The following LARGE1 variants were observed in gnomAD, a reference collection of about 807,000 sequenced individuals.
LARGE1 encodes the protein LARGE xylosyl- and glucuronyltransferase 1, also known as xylosyl- and glucuronyltransferase LARGE1.
A neutral mutation model predicts 87.6 loss-of-function variants in LARGE1; 43 were observed. That is an observed-to-expected ratio of 0.49 (90% CI 0.38 to 0.63). The LOEUF (loss-of-function observed/expected upper bound fraction) is 0.63, where lower values mean the gene tolerates loss of function less well. Ranked by LOEUF, LARGE1 falls within the 30% of genes least tolerant of loss-of-function variation. The probability of loss-of-function intolerance (pLI) is 0.00; values close to 1 mark genes in which losing one functional copy is unlikely to be tolerated. For missense variants in LARGE1, 802 were observed against 1,000.2 expected (o/e 0.80, Z 2.67); for synonymous variants, 434 against 394.6 (o/e 1.10, Z -1.18).
At chr22:33,398,289 G>C (rs1177782342) in intron 7 of LARGE1, among the ~76,000 whole-genome samples, 3 of 151,566 alleles carry the variant, frequency 2.0e-5, no homozygotes, top group Non-Finnish European at 4.4e-5. Context: ...TCAGGAAACT[G>C]AGGCTCAGAA....
At chr22:33,321,984 A>G (rs1936768407) in intron 10 of LARGE1, among the ~76,000 whole-genome samples, 1 of 152,028 alleles carries the variant, frequency 6.6e-6, no homozygotes, top group Non-Finnish European at 1.5e-5. Flanking sequence ...ATGCCCAGCT[A>G]ATTTTTGTAT....
chr22:33,489,173 G>A (rs2069714388), intron 6 of LARGE1, among the ~76,000 whole-genome samples: 1 of 152,216 alleles, frequency 6.6e-6, no homozygotes, highest in African/African-American at 2.4e-5. Flanking sequence ...ACTGTAGCAG[G>A]AGAAAACAGG....
chr22:33,076,213 C>A, the LARGE1 span, among the ~76,000 whole-genome samples: 1 of 152,160 alleles, frequency 6.6e-6, no homozygotes, highest in African/African-American at 2.4e-5. Flanking sequence ...TAAGATATTT[C>A]TCTGGCACTT....
chr22:33,271,602 C>A (rs115204328), downstream of LARGE1, among the ~76,000 whole-genome samples: 561 of 152,332 alleles, frequency 3.7e-3, 3 homozygotes, highest in African/African-American at 0.013. Context: ...CTGTGTGACA[C>A]ATTTAAAGGC....
intron 9 of LARGE1, among the ~76,000 whole-genome samples, chr22:33,368,696 G>T (rs2064689667): frequency 6.6e-6 from 1 of 152,096 alleles, no homozygotes; most frequent in South Asian, 2.1e-4. Flanking sequence ...ATAACTTGGA[G>T]ATATTGTGGG....
chr22:33,585,918 C>A (rs1355264711), intron 5 of LARGE1, among the ~76,000 whole-genome samples: 2 of 152,206 alleles, frequency 1.3e-5, no homozygotes, highest in Non-Finnish European at 2.9e-5. Flanking sequence ...AGGCTGGTCT[C>A]AAACTCCCGA....
chr22:33,280,112 G>A (rs1930138921), intron 13 of LARGE1, among the ~76,000 whole-genome samples: 1 of 152,144 alleles, frequency 6.6e-6, no homozygotes, highest in African/African-American at 2.4e-5. Context: ...TAACAAAGTG[G>A]TTAAAAGCAA....
chr22:33,334,503 G>C (rs1006294050), intron 10 of LARGE1, among the ~76,000 whole-genome samples: 1 of 152,130 alleles, frequency 6.6e-6, no homozygotes, highest in Admixed American at 6.5e-5. Context: ...GTGGGGGTAG[G>C]GGATTGCAAA....
intron 1 of LARGE1, among the ~76,000 whole-genome samples, chr22:33,814,968 AATTTAGACTCAT>A (rs1463653865): frequency 1.3e-5 from 2 of 152,198 alleles, no homozygotes; most frequent in Non-Finnish European, 2.9e-5. Flanking sequence ...ACAAGGCCAT[AATTTAGACTCAT>A]ATCTTCAACT....
intron 6 of LARGE1, among the ~76,000 whole-genome samples, chr22:33,488,928 C>T (rs933434790): frequency 1.3e-5 from 2 of 152,202 alleles, no homozygotes; most frequent in African/African-American, 4.8e-5. Context: ...CACTCCTTTC[C>T]CTGGAGTACC....
intron 4 of LARGE1, among the ~76,000 whole-genome samples, chr22:33,609,391 T>C (rs1419533574): frequency 6.6e-6 from 1 of 152,148 alleles, no homozygotes; most frequent in East Asian, 1.9e-4. Context: ...CACAACCATA[T>C]ATGACGACTC....
Position 33,528,567 on chromosome 22 carries a change from T to C in LARGE1, c.787+36281A>G, listed in dbSNP as rs1373092885. 2.6e-5 allele frequency among the ~76,000 whole-genome samples: 4 copies of C among 152,158 alleles called. No homozygotes were observed. The East Asian group carries it at 5.8e-4, about 22-fold the overall frequency. On this transcript the variant is annotated intron_variant, in intron 6 of 14. Coordinates refer to ENST00000397394, the MANE Select transcript of LARGE1 (RefSeq NM_133642.5). ...GAAGCAAAGGACACAAAAACTCTTA[T>C]TGCACATTCTCCATAGACTGGCCAG...
In LARGE1 at chr22:33,416,786, T is replaced by C. The variant is rs189695418; in HGVS notation, c.892+15375A>G. Among the ~76,000 whole-genome samples, 590 of 152,054 alleles carry C rather than the reference T, an allele frequency of 3.9e-3. 3 individuals are homozygous for C. Among genetic ancestry groups the C allele is most frequent in the African/African-American group, 0.014 (574 of 41,448 alleles). ...CCCGGCTAATTTTTTGTATTTTTAGTAGAGATGGGGTTTCACTATGTTGGT... is the reference window on the plus strand; with the variant it reads ...CCCGGCTAATTTTTTGTATTTTTAGCAGAGATGGGGTTTCACTATGTTGGT... On this transcript the variant is annotated intron_variant, in intron 7 of 14. Coordinates refer to ENST00000397394, the MANE Select transcript of LARGE1 (RefSeq NM_133642.5).
exon 12 of LARGE1, chr22:33,164,437 C>T (rs1389708088): frequency 1.3e-5 from 2 of 151,584 alleles, no homozygotes; most frequent in Non-Finnish European, 2.9e-5. Context: ...ATTGAAATAT[C>T]CATAAACCAG....
chr22:33,394,702 CGTGTGT>C (rs59338001), intron 7 of LARGE1, among the ~76,000 whole-genome samples: 15,257 of 142,268 alleles, frequency 0.11, 1,594 homozygotes, highest in African/African-American at 0.3. Context: ...CTCCTGGGAG[CGTGTGT>C]GTGTGTGTGT....
chr22:33,818,038 C>A (rs1011534604), intron 1 of LARGE1, among the ~76,000 whole-genome samples: 1 of 152,108 alleles, frequency 6.6e-6, no homozygotes, highest in Non-Finnish European at 1.5e-5. Flanking sequence ...GACCCCAGAT[C>A]CACAACTAAT....
intron 1 of LARGE1, among the ~76,000 whole-genome samples, chr22:33,892,885 G>A (rs530034182): frequency 3.9e-5 from 6 of 152,314 alleles, no homozygotes; most frequent in South Asian, 2.1e-4. Flanking sequence ...ACAAGAGCCC[G>A]TGTGCAGGCA....
rs548774056 is a variant in LARGE1 at position 33,845,007 on chromosome 22, C to T, written c.-83+74988G>A. 3.9e-5 allele frequency among the ~76,000 whole-genome samples: 6 copies of T among 152,116 alleles called. No individual in the cohort carries two copies. The South Asian group carries it at 8.3e-4, about 21-fold the overall frequency. On this transcript the variant is annotated intron_variant, in intron 1 of 14. Coordinates refer to ENST00000397394, the MANE Select transcript of LARGE1 (RefSeq NM_133642.5). ...TGCTGGGATTACAGACGTGAGCTAC[C>T]GCGCCTGGCCTCAAACTTTTCTTTC...
intron 11 of LARGE1, among the ~76,000 whole-genome samples, chr22:33,167,430 T>C (rs1267391784): frequency 6.6e-6 from 1 of 152,198 alleles, no homozygotes; most frequent in Non-Finnish European, 1.5e-5. Flanking sequence ...CAGTGCATAT[T>C]TTGGCCACTG....
Sources: gnomAD v4.1 joint callset for allele counts (sites outside exome capture counted in the v4.1 genomes callset) on GRCh38, gnomAD v4.1.1 for gene constraint, MANE v1.5 for transcripts, NCBI Gene and HGNC (gene_info 2026-07-23, HGNC 2026-07-21) for gene names.